The following HS3ST2 variants were observed in gnomAD, a reference collection of about 807,000 sequenced individuals.
HS3ST2 encodes heparan sulfate-glucosamine 3-sulfotransferase 2.
HS3ST2 carries 17 observed loss-of-function variants against 26.3 expected under a neutral mutation model. That is an observed-to-expected ratio of 0.65 (90% CI 0.44 to 0.97). The LOEUF (loss-of-function observed/expected upper bound fraction) is 0.97, where lower values mean the gene tolerates loss of function less well. HS3ST2 is among the 50% of genes least tolerant of loss of function. The pLI, the probability that HS3ST2 is intolerant of heterozygous loss-of-function variation, is 0.00. For synonymous variants in HS3ST2, 237 were observed against 219.2 expected (o/e 1.08, Z -0.72); for missense variants, 402 against 501.2 (o/e 0.80, Z 1.89).
chr16:22,827,236 T>G (rs910121664), intron 1 of HS3ST2, among the ~76,000 whole-genome samples: 3 of 151,916 alleles, frequency 2.0e-5, no homozygotes, highest in Non-Finnish European at 4.4e-5. Context: ...CAGGGTGGAG[T>G]GCCCAAGAAG....
rs78795988 is a variant in HS3ST2 at position 22,904,298 on chromosome 16, C to A, written c.486-10646C>A. Among the ~76,000 whole-genome samples the A allele has an allele frequency of 8.1e-3, 1,230 of 152,294 alleles. 14 individuals carry two copies. The highest frequency in any genetic ancestry group is 0.027 in the African/African-American group (1,137 of 41,554). Reference sequence around the variant, plus strand: ...AGCTCACTTATCTCTGTATCCCCAGCATACAGTAGGTGCTCAATAAACGCT... The same window carrying A: ...AGCTCACTTATCTCTGTATCCCCAGAATACAGTAGGTGCTCAATAAACGCT... On this transcript the variant is annotated intron_variant, in intron 1 of 1. Coordinates refer to ENST00000261374, the MANE Select transcript of HS3ST2 (RefSeq NM_006043.2).
intron 1 of HS3ST2, among the ~76,000 whole-genome samples, chr16:22,874,144 A>AT: frequency 6.6e-6 from 1 of 152,308 alleles, no homozygotes. Context: ...TCATGTAGCC[A>AT]TTTTTGCAAA....
chr16:22,877,756 G>A (rs925331683), intron 1 of HS3ST2, among the ~76,000 whole-genome samples: 11 of 152,232 alleles, frequency 7.2e-5, no homozygotes, highest in Non-Finnish European at 4.4e-5. Flanking sequence ...AGGCATGGAA[G>A]TAATGAAGAG....
intron 1 of HS3ST2, among the ~76,000 whole-genome samples, chr16:22,866,369 CGTGT>C (rs55757233): frequency 0.18 from 25,788 of 143,510 alleles, 2,320 homozygotes; most frequent in African/African-American, 0.24. Flanking sequence ...ATATGGTGTG[CGTGT>C]GTGTGTGTGT....
chr16:22,870,793 G>A (rs898002277), intron 1 of HS3ST2, among the ~76,000 whole-genome samples: 3 of 152,066 alleles, frequency 2.0e-5, no homozygotes, highest in South Asian at 2.1e-4. Flanking sequence ...GCCACCCTTT[G>A]CACAGTCTTA....
Position 22,876,437 on chromosome 16 carries a change from T to A in HS3ST2, c.486-38507T>A, listed in dbSNP as rs117091310. Among the ~76,000 whole-genome samples the A allele has an allele frequency of 5.5e-3, 841 of 152,260 alleles. 7 individuals carry two copies. Among genetic ancestry groups the A allele is most frequent in the African/African-American group, 0.018 (760 of 41,544 alleles). On this transcript the variant is annotated intron_variant, in intron 1 of 1. Coordinates refer to ENST00000261374, the MANE Select transcript of HS3ST2 (RefSeq NM_006043.2). ...TTCTGCAAGAATAGCCATCATTTTTTAAAAAAATAAAACATAATAGATATT... is the reference window on the plus strand; with the variant it reads ...TTCTGCAAGAATAGCCATCATTTTTAAAAAAAATAAAACATAATAGATATT...
intron 1 of HS3ST2, among the ~76,000 whole-genome samples, chr16:22,855,642 G>A (rs1026082212): frequency 1.3e-5 from 2 of 151,368 alleles, no homozygotes; most frequent in African/African-American, 2.4e-5. Flanking sequence ...TGGCTTCTGG[G>A]GTATCAGGAA....
intron 1 of HS3ST2, among the ~76,000 whole-genome samples, chr16:22,865,928 A>G (rs1001081077): frequency 4.6e-5 from 7 of 152,304 alleles, no homozygotes; most frequent in African/African-American, 1.4e-4. Context: ...AAAAGAGGGG[A>G]AAATGCACAA....
At chr16:22,856,763 C>G (rs1246795535) in intron 1 of HS3ST2, among the ~76,000 whole-genome samples, 2 of 152,086 alleles carry the variant, frequency 1.3e-5, no homozygotes, top group African/African-American at 4.8e-5. Flanking sequence ...CTGTACTTTG[C>G]AATCAGGAGT....
intron 1 of HS3ST2, among the ~76,000 whole-genome samples, chr16:22,864,425 A>G (rs555002238): frequency 6.6e-6 from 1 of 152,348 alleles, no homozygotes; most frequent in East Asian, 1.9e-4. Flanking sequence ...GTTTGAACAC[A>G]TGGAAGACAT....
chr16:22,823,668 TC>T (rs34819026), intron 1 of HS3ST2, among the ~76,000 whole-genome samples: 1 of 149,898 alleles, frequency 6.7e-6, no homozygotes, highest in Non-Finnish European at 1.5e-5. Flanking sequence ...GCACCTGTAG[TC>T]CCAACTACTT....
At chr16:22,857,829 G>A (rs187226158) in intron 1 of HS3ST2, among the ~76,000 whole-genome samples, 4 of 152,024 alleles carry the variant, frequency 2.6e-5, no homozygotes, top group Non-Finnish European at 4.4e-5. Context: ...ACTTATGATC[G>A]CGCAAACACA....
intron 1 of HS3ST2, among the ~76,000 whole-genome samples, chr16:22,874,292 G>A (rs890327517): frequency 2.6e-5 from 4 of 152,170 alleles, no homozygotes; most frequent in East Asian, 1.9e-4. Context: ...TCTACCTTTT[G>A]CTTCTCATAT....
intron 1 of HS3ST2, among the ~76,000 whole-genome samples, chr16:22,913,123 A>G (rs1017732455): frequency 2.2e-4 from 21 of 94,170 alleles, no homozygotes; most frequent in African/African-American, 4.0e-4. Flanking sequence ...GAGAAGAAAG[A>G]AAGGAAGGAA....
At chr16:22,821,700 T>C (rs1900996156) in intron 1 of HS3ST2, among the ~76,000 whole-genome samples, 1 of 152,154 alleles carries the variant, frequency 6.6e-6, no homozygotes, top group South Asian at 2.1e-4. Flanking sequence ...CAGGCTGCTG[T>C]AGGCCGGTTC....
chr16:22,876,492 A>G (rs1287293959), intron 1 of HS3ST2, among the ~76,000 whole-genome samples: 2 of 152,220 alleles, frequency 1.3e-5, no homozygotes, highest in Non-Finnish European at 2.9e-5. Context: ...AAATTAAAAC[A>G]TAATAGATGT....
rs547220505 is a variant in HS3ST2, at chr16:22,858,689, A to G, written c.485+43594A>G. Among the ~76,000 whole-genome samples, 11 of 152,268 alleles carry G rather than the reference A, an allele frequency of 7.2e-5. No homozygotes were observed. In the South Asian group the frequency reaches 2.3e-3, roughly 32 times the overall value. On this transcript the variant is annotated intron_variant, in intron 1 of 1. Transcript: ENST00000261374. ...GCCAGGGTTCAAGTCCCAGCTTTGT[A>G]CTGTGTGACCTCAGACACGTCTCTT...
At chr16:22,846,398 C>T (rs971062466) in intron 1 of HS3ST2, among the ~76,000 whole-genome samples, 1 of 152,156 alleles carries the variant, frequency 6.6e-6, no homozygotes, top group Non-Finnish European at 1.5e-5. Flanking sequence ...GCTCTCACCT[C>T]TAATGCCTCC....
chr16:22,834,091 A>G (rs1901214559), intron 1 of HS3ST2, among the ~76,000 whole-genome samples: 1 of 152,210 alleles, frequency 6.6e-6, no homozygotes, highest in African/African-American at 2.4e-5. Context: ...TGGGTGTGAA[A>G]TTGGGTGCAT....
Sources: allele counts gnomAD v4.1 joint callset (sites outside exome capture counted in the v4.1 genomes callset), GRCh38; gene constraint gnomAD v4.1.1; transcripts MANE v1.5; gene names NCBI Gene and HGNC (gene_info 2026-07-23, HGNC 2026-07-21).